GRK7: variants seen among roughly 807,000 people sequenced by gnomAD.
GRK7 encodes G protein-coupled receptor kinase 7.
In GRK7, 24 loss-of-function variants were observed where a neutral mutation model predicts 34.1. The ratio of observed to expected loss-of-function variants is 0.70; its 90% CI spans 0.51 to 0.99. GRK7 has a LOEUF of 0.99. GRK7 is among the 50% of genes least tolerant of loss of function. The pLI, the probability that GRK7 is intolerant of heterozygous loss-of-function variation, is 0.00. For synonymous variants in GRK7, 256 were observed against 279.4 expected (o/e 0.92, Z 0.84); for missense variants, 644 against 707.3 (o/e 0.91, Z 1.02).
intron 4 of GRK7, among the ~76,000 whole-genome samples, chr3:141,805,803 A>C (rs939244907): frequency 6.6e-6 from 1 of 152,164 alleles, no homozygotes; most frequent in Non-Finnish European, 1.5e-5. Flanking sequence ...ACACTTTCTA[A>C]TGTTTTCTTC....
At chr3:141,802,366 T>TCTCACACACACACACA (rs1553737502) in intron 4 of GRK7, among the ~76,000 whole-genome samples, 4 of 145,574 alleles carry the variant, frequency 2.7e-5, no homozygotes, top group Non-Finnish European at 4.5e-5. Context: ...TCTTTCTCTG[T>TCTCACACACACACACA]CACACACACA....
rs1434619183 is a variant in GRK7 at position 141,818,440 on chromosome 3, C to T, written c.*1390C>T. 5 of 152,650 alleles carry T rather than the reference C, an allele frequency of 3.3e-5. No individual in the cohort carries two copies. Among genetic ancestry groups the T allele is most frequent in the African/African-American group, 1.2e-4 (5 of 41,334 alleles). 9.5% of individuals were successfully genotyped at this position (152,650 alleles called of 1,614,324 possible). A position where few individuals can be genotyped will look rare whatever the true frequency, so the allele number is the denominator to read the frequency against. Reference sequence around the variant, plus strand: ...AGGTTGTAGTGAGCCAAGATCGCAACATTGCACTCCAGGCTGGGCAGCAAG... The same window carrying T: ...AGGTTGTAGTGAGCCAAGATCGCAATATTGCACTCCAGGCTGGGCAGCAAG... On this transcript the variant is annotated 3_prime_UTR_variant, in exon 6 of 6. Coordinates refer to ENST00000682958, the MANE Select transcript of GRK7 (RefSeq NM_139209.3).
At chr3:141,796,263 G>C (rs1214688077) in intron 4 of GRK7, among the ~76,000 whole-genome samples, 2 of 152,202 alleles carry the variant, frequency 1.3e-5, no homozygotes, top group Non-Finnish European at 1.5e-5. Flanking sequence ...ATGTACTCAT[G>C]GGTTGGCCAC....
chr3:141,797,205 G>A (rs1177047374), intron 4 of GRK7, among the ~76,000 whole-genome samples: 1 of 152,234 alleles, frequency 6.6e-6, no homozygotes, highest in African/African-American at 2.4e-5. Context: ...GTCAGGGAGA[G>A]CAGGAAGCCG....
At chr3:141,774,036 G>T (rs1019959838) in intron 1 of GRK7, among the ~76,000 whole-genome samples, 2 of 152,176 alleles carry the variant, frequency 1.3e-5, no homozygotes, top group Non-Finnish European at 2.9e-5. Context: ...CAAAGTGTGT[G>T]CTCTGCTTCT....
At chr3:141,758,802 C>A (rs202069088), upstream of GRK7, among the ~76,000 whole-genome samples, 7,610 of 150,818 alleles carry the variant, frequency 0.05, 173 homozygotes, top group South Asian at 0.082. Context: ...GAATGTTCTT[C>A]CATTTGTTTG....
intron 4 of GRK7, among the ~76,000 whole-genome samples, chr3:141,785,938 C>CAA (rs11328714): frequency 7.4e-6 from 1 of 135,836 alleles, no homozygotes; most frequent in Non-Finnish European, 1.6e-5. Context: ...TACCCTGTCT[C>CAA]AAAAAAAAAA....
chr3:141,805,726 T>C (rs1180653967), intron 4 of GRK7, among the ~76,000 whole-genome samples: 1 of 152,260 alleles, frequency 6.6e-6, no homozygotes, highest in Non-Finnish European at 1.5e-5. Context: ...TGAAATTTCA[T>C]ATTTCTAAAG....
chr3:141,769,061 C>A lies in GRK7; in HGVS notation c.-215+3323C>A, dbSNP rs563327795. ...ATTATCACCTACTCCCCTATGACTC[C>A]CAAACATGCCTTTCCCTCCAGACCT... On this transcript the variant is annotated intron_variant, in intron 1 of 5. Transcript: ENST00000682958. Among the ~76,000 whole-genome samples the A allele has an allele frequency of 8.5e-5, 13 of 152,248 alleles. No individual in the cohort carries two copies. In the South Asian group the frequency reaches 2.5e-3, roughly 29 times the overall value.
At chr3:141,769,434 C>A (rs2084606025) in intron 1 of GRK7, among the ~76,000 whole-genome samples, 1 of 152,230 alleles carries the variant, frequency 6.6e-6, no homozygotes. Context: ...CATAAAGCAG[C>A]AGCCAGCGGT....
intron 4 of GRK7, among the ~76,000 whole-genome samples, chr3:141,801,327 A>G (rs1176462783): frequency 6.6e-6 from 1 of 150,612 alleles, no homozygotes; most frequent in Non-Finnish European, 1.5e-5. Flanking sequence ...AAAAAAAAAA[A>G]AAAAAAAGAA....
chr3:141,799,517 C>T (rs1187282557), intron 4 of GRK7, among the ~76,000 whole-genome samples: 1 of 151,900 alleles, frequency 6.6e-6, no homozygotes, highest in African/African-American at 2.4e-5. Context: ...GAGGCTGAGG[C>T]AGGAGAATCA....
At chr3:141,785,618 G>A (rs1255521919) in intron 4 of GRK7, among the ~76,000 whole-genome samples, 2 of 152,148 alleles carry the variant, frequency 1.3e-5, no homozygotes, top group Non-Finnish European at 2.9e-5. Context: ...ACAAAAATTA[G>A]CCAGGCATGG....
rs772626943 is a variant in GRK7 at position 141,780,544 on chromosome 3, G to A, written c.783G>A (p.Lys261=). The A allele has an allele frequency of 6.2e-7, 1 of 1,614,256 alleles. No individual in the cohort carries two copies. The highest frequency in any genetic ancestry group is 8.5e-7 in the Non-Finnish European group (1 of 1,180,050). The change falls in exon 4 of 6, where the codon AAG becomes AAA. Residue 261 remains lysine, a synonymous_variant. Coordinates refer to ENST00000682958, the MANE Select transcript of GRK7 (RefSeq NM_139209.3). Reference sequence around the variant, plus strand: ...CTCTGGCCTATGCCTTTGAGAGCAAGACCCATCTCTGCCTTGTCATGAGCC... The same window carrying A: ...CTCTGGCCTATGCCTTTGAGAGCAAAACCCATCTCTGCCTTGTCATGAGCC... ...IVSLAYAFES[K]THLCLVMSLM... is the part of the protein sequence containing the mutation.
intron 5 of GRK7, among the ~76,000 whole-genome samples, chr3:141,810,957 G>A (rs1711086911): frequency 1.3e-5 from 2 of 152,280 alleles, no homozygotes; most frequent in Non-Finnish European, 1.5e-5. Context: ...AGGACAGTCT[G>A]TTTAGATGAC....
rs752901529 is a variant in GRK7, at chr3:141,818,025, C to T, written c.*975C>T. On this transcript the variant is annotated 3_prime_UTR_variant, in exon 6 of 6. Coordinates refer to ENST00000682958, the MANE Select transcript of GRK7 (RefSeq NM_139209.3). ...ATTTTGATGGCAACTTTTCAAATGT[C>T]CCCAAAGCATGTCATTTTAGTAATT... The T allele has an allele frequency of 6.6e-6, 1 of 152,158 alleles. No homozygotes were observed. The highest frequency in any genetic ancestry group is 1.5e-5 in the Non-Finnish European group (1 of 68,040). The allele number at this position is 152,158 out of a possible 1,614,324, so 9.4% of individuals were successfully genotyped here.
At chr3:141,812,989 C>A (rs1292847879) in intron 5 of GRK7, among the ~76,000 whole-genome samples, 1 of 152,138 alleles carries the variant, frequency 6.6e-6, no homozygotes, top group Non-Finnish European at 1.5e-5. Flanking sequence ...GGGGCTCATT[C>A]CTGATTTATT....
chr3:141,767,484 C>G (rs775677018), intron 1 of GRK7, among the ~76,000 whole-genome samples: 9 of 152,038 alleles, frequency 5.9e-5, no homozygotes, highest in Non-Finnish European at 1.3e-4. Context: ...TCACTCCAGC[C>G]TCCAGCCCCC....
intron 4 of GRK7, among the ~76,000 whole-genome samples, chr3:141,806,597 ATATT>A (rs1711039176): frequency 6.6e-6 from 1 of 152,006 alleles, no homozygotes; most frequent in Non-Finnish European, 1.5e-5. Flanking sequence ...ACACACATAT[ATATT>A]TGAGTAAATA....
Sources: gnomAD v4.1 joint callset for allele counts (sites outside exome capture counted in the v4.1 genomes callset) on GRCh38, gnomAD v4.1.1 for gene constraint, MANE v1.5 for transcripts, NCBI Gene and HGNC (gene_info 2026-07-23, HGNC 2026-07-21) for gene names.